The following RESF1 variants were observed in gnomAD, a reference collection of about 807,000 sequenced individuals.
The protein encoded by RESF1 is retroelement silencing factor 1.
A neutral mutation model predicts 134.7 loss-of-function variants in RESF1; 65 were observed. That is an observed-to-expected ratio of 0.48 (90% CI 0.40 to 0.59). RESF1 has a LOEUF of 0.59. Among genes scored for constraint, RESF1 ranks in the 20% least tolerant of loss-of-function variants. The pLI is 0.00. For synonymous variants in RESF1, 762 were observed against 702.2 expected (o/e 1.09, Z -1.35); for missense variants, 2,274 against 2,002.7 (o/e 1.14, Z -2.59).
chr12:31,984,280 T>A lies in RESF1; in HGVS notation c.3325T>A (p.Leu1109Ile). The A allele has an allele frequency of 1.2e-6, 2 of 1,613,872 alleles. No homozygotes were observed. Among genetic ancestry groups the A allele is most frequent in the Non-Finnish European group, 1.7e-6 (2 of 1,179,972 alleles). ...AGCAGATCAAATACAAATTACAATA[T>A]TAAGCTCAGAGCAAATGAAAGAAAT... The part of the protein sequence containing the change: ...DPADQIQITI[L>I]SSEQMKEIFP... The change falls in exon 4 of 6, where the codon TTA becomes ATA. Residue 1109 changes from leucine (L) to isoleucine (I), a missense_variant. Physicochemically the swap from Leu to Ile is conservative, Grantham distance 5. Coordinates refer to ENST00000312561, the MANE Select transcript of RESF1 (RefSeq NM_018169.4).
rs1939966054 is a variant in RESF1 at position 31,986,034 on chromosome 12, T to C, written c.5002+77T>C. 8.7e-6 allele frequency: 8 copies of C among 920,732 alleles called. No individual in the cohort carries two copies. In the South Asian group the frequency reaches 1.1e-4, roughly 13 times the overall value. The allele number at this position is 920,732 out of a possible 1,614,324, so 57.0% of individuals were successfully genotyped here. Reference sequence around the variant, plus strand: ...TCAATATTTGGGCTAGCACCTCTCATGCTGTCTTGGGCTGCTGGGAAAGAC... The same window carrying C: ...TCAATATTTGGGCTAGCACCTCTCACGCTGTCTTGGGCTGCTGGGAAAGAC... On this transcript the variant is annotated intron_variant, in intron 4 of 5. Coordinates refer to ENST00000312561, the MANE Select transcript of RESF1 (RefSeq NM_018169.4).
intron 5 of RESF1, among the ~76,000 whole-genome samples, 158 bp from the exon 6 acceptor site, chr12:31,992,220 A>T (rs78541905): frequency 0.01 from 1,523 of 146,400 alleles, 39 homozygotes; most frequent in African/African-American, 0.037. Context: ...TATAACTTAC[A>T]ATTCTATAAG....
intron 2 of RESF1, among the ~76,000 whole-genome samples, chr12:31,966,368 T>G (rs1939397293): frequency 6.6e-6 from 1 of 152,202 alleles, no homozygotes. Context: ...TGGCTTCCGC[T>G]TCATGTGTTC....
Position 31,983,325 on chromosome 12 carries a change from C to T in RESF1, c.2370C>T (p.Pro790=), listed in dbSNP as rs537814008. The T allele has an allele frequency of 3.5e-5, 56 of 1,614,014 alleles. 1 individual carries two copies. In the Admixed American group the frequency reaches 5.8e-4, roughly 17 times the overall value. Residue 790 remains proline (P), a synonymous_variant, in exon 4 of 6, where the codon CCC becomes CCT. Coordinates refer to ENST00000312561, the MANE Select transcript of RESF1 (RefSeq NM_018169.4). ...TPAVLPETVY[P]VIKEGSVCSL... The stretch of plus-strand genomic sequence containing the variant: ...CAGTGTTACCTGAAACAGTGTATCC[C>T]GTTATTAAAGAAGGCAGTGTTTGTA...
chr12:31,964,107 C>A (rs1445365282), intron 2 of RESF1, among the ~76,000 whole-genome samples: 1 of 152,158 alleles, frequency 6.6e-6, no homozygotes, highest in Admixed American at 6.5e-5. Context: ...AGGCTATTAT[C>A]CAAAGTAGAT....
rs1283427136 is a variant in RESF1, at chr12:31,992,838, G to A, written c.*303G>A. On this transcript the variant is annotated 3_prime_UTR_variant, in exon 6 of 6. Transcript: ENST00000312561. ...ATCAATTTGAAATTCTACCCATCTT[G>A]AGGGAGGACCGTTCCTCAGTTAAGG... The A allele has an allele frequency of 1.2e-5, 4 of 327,180 alleles. No homozygotes were observed. In the East Asian group the frequency reaches 3.2e-4, roughly 26 times the overall value. 20.3% of individuals were successfully genotyped at this position (327,180 alleles called of 1,614,324 possible).
At chr12:31,989,659 C>T (rs980987416) in intron 5 of RESF1, among the ~76,000 whole-genome samples, 3 of 152,118 alleles carry the variant, frequency 2.0e-5, no homozygotes, top group Non-Finnish European at 2.9e-5. Flanking sequence ...CGAGACCAGC[C>T]TGGCCAACAT....
intron 4 of RESF1, 111 bp from the exon 5 acceptor site, chr12:31,987,128 A>G (rs1248457508): frequency 4.8e-6 from 3 of 627,670 alleles, no homozygotes; most frequent in Admixed American, 3.3e-5. Context: ...ACATGTGGTT[A>G]TATCTAGGGC....
chr12:31,985,519 C>T lies in RESF1; in HGVS notation c.4564C>T (p.His1522Tyr), dbSNP rs769225454. The part of the protein sequence containing the change: ...LTSHGKNLKI[H>Y]HSQESKTYNI... ...AAGCCATGGTAAAAACCTCAAAATC[C>T]ACCATTCTCAGGAGTCTAAAACATA... Residue 1522 changes from histidine (H) to tyrosine (Y), a missense_variant, in exon 4 of 6, where the codon CAC (histidine) becomes TAC (tyrosine). His to Tyr is a moderately conservative substitution (Grantham distance 83, BLOSUM62 2). Transcript: ENST00000312561. 1.2e-6 allele frequency: 2 copies of T among 1,601,590 alleles called. No homozygotes were observed. The highest frequency in any genetic ancestry group is 1.4e-5 in the African/African-American group (1 of 73,890).
chr12:31,960,828 A>G lies in RESF1; in HGVS notation c.-290A>G, dbSNP rs894722477. On this transcript the variant is annotated 5_prime_UTR_variant, in exon 2 of 6. It removes an upstream start codon present in the reference 5' UTR. Transcript: ENST00000312561. ...GAGGGACTGACGTGTTTGGAGGGAA[A>G]TGGGAATGTACACGATAATTAAAGA... 2 of 152,222 alleles carry G rather than the reference A, an allele frequency of 1.3e-5. No individual in the cohort carries two copies. The highest frequency in any genetic ancestry group is 2.9e-5 in the Non-Finnish European group (2 of 68,026). The allele number at this position is 152,222 out of a possible 1,614,324, so 9.4% of individuals were successfully genotyped here.
At position 31,984,729 on chromosome 12, in the gene RESF1, T is replaced by C. The variant is rs1285398781; in HGVS notation, c.3774T>C (p.Asp1258=). The change falls in exon 4 of 6, where the codon GAT becomes GAC. Residue 1258 remains aspartate, a synonymous_variant. Transcript: ENST00000312561. ...FPELQDDSRK[D]TPKTKHKSLP... is the part of the protein sequence containing the mutation. ...AACTACAAGACGACAGTAGAAAAGA[T>C]ACACCCAAAACAAAACATAAAAGCT... The C allele has an allele frequency of 6.2e-7, 1 of 1,608,034 alleles. No individual in the cohort carries two copies. Among genetic ancestry groups the C allele is most frequent in the Non-Finnish European group, 8.5e-7 (1 of 1,178,702 alleles).
At position 31,982,830 on chromosome 12, in the gene RESF1, C is replaced by T; in HGVS notation, c.1875C>T (p.Asn625=). ...EMNPNTQMTG[N]QLNLKNMETP... The stretch of plus-strand genomic sequence containing the variant: ...ATCCAAATACCCAAATGACTGGTAA[C>T]CAACTGAATTTGAAGAACATGGAAA... Residue 625 remains asparagine (N), a synonymous_variant, in exon 4 of 6, where the codon AAC becomes AAT. Coordinates refer to ENST00000312561, the MANE Select transcript of RESF1 (RefSeq NM_018169.4). The T allele has an allele frequency of 6.2e-7, 1 of 1,614,094 alleles. No individual in the cohort carries two copies. The highest frequency in any genetic ancestry group is 8.5e-7 in the Non-Finnish European group (1 of 1,179,994).
intron 3 of RESF1, among the ~76,000 whole-genome samples, chr12:31,972,980 CTT>C (rs1300647736): frequency 6.6e-6 from 1 of 151,580 alleles, no homozygotes; most frequent in Non-Finnish European, 1.5e-5. Context: ...TTTAATTTCT[CTT>C]TGTTTTTTCT....
chr12:31,980,766 A>G (rs1271132118), intron 3 of RESF1, 112 bp from the exon 4 acceptor site: 4 of 501,104 alleles, frequency 8.0e-6, no homozygotes. Context: ...CAAATTAAAG[A>G]TGAGGCTGCT....
Position 31,982,847 on chromosome 12 carries a change from A to C in RESF1, c.1892A>C (p.Asn631Thr). 1 of 1,614,180 alleles carries C rather than the reference A, an allele frequency of 6.2e-7. No homozygotes were observed. Among genetic ancestry groups the C allele is most frequent in the Non-Finnish European group, 8.5e-7 (1 of 1,180,012 alleles). ...ACTGGTAACCAACTGAATTTGAAGA[A>C]CATGGAAACTCCAAGTACTTCTAAT... is the stretch of plus-strand genomic sequence containing the variant. ...QMTGNQLNLKNMETPSTSNVS... is the reference protein window; with the variant it reads ...QMTGNQLNLKTMETPSTSNVS... Residue 631 changes from asparagine (N) to threonine (T), a missense_variant, in exon 4 of 6, where the codon AAC becomes ACC. Physicochemically the swap from Asn to Thr is moderately conservative, Grantham distance 65. Transcript: ENST00000312561.
chr12:31,979,708 G>A (rs1054318248), intron 3 of RESF1, among the ~76,000 whole-genome samples: 5 of 151,440 alleles, frequency 3.3e-5, no homozygotes, highest in Non-Finnish European at 5.9e-5. Flanking sequence ...CCACCATGAC[G>A]GGGTAATTTT....
chr12:31,986,969 CAT>C (rs1481961077), intron 4 of RESF1, among the ~76,000 whole-genome samples: 53 of 152,284 alleles, frequency 3.5e-4, no homozygotes, highest in Admixed American at 2.8e-3. Context: ...TTTTCTATCT[CAT>C]GTGTCCTTTA....
chr12:31,969,548 C>T (rs1267999818), intron 2 of RESF1, among the ~76,000 whole-genome samples: 1 of 152,186 alleles, frequency 6.6e-6, no homozygotes, highest in Non-Finnish European at 1.5e-5. Context: ...GTTTATACTT[C>T]CATATTCTAT....
At chr12:31,977,341 C>T (rs61931394) in intron 3 of RESF1, among the ~76,000 whole-genome samples, 10,252 of 152,108 alleles carry the variant, frequency 0.067, 494 homozygotes, top group South Asian at 0.14. Context: ...CCACCACATC[C>T]GGCTAATTTT....
Sources: gnomAD v4.1 joint callset for allele counts (sites outside exome capture counted in the v4.1 genomes callset) on GRCh38, gnomAD v4.1.1 for gene constraint, MANE v1.5 for transcripts, NCBI Gene and HGNC (gene_info 2026-07-23, HGNC 2026-07-21) for gene names.